The following SLC24A2 variants were observed in gnomAD, a reference collection of about 807,000 sequenced individuals.
SLC24A2 encodes sodium/potassium/calcium exchanger 2.
SLC24A2 carries 36 observed loss-of-function variants against 62.0 expected under a neutral mutation model. The ratio of observed to expected loss-of-function variants is 0.58; its 90% CI spans 0.44 to 0.77. The LOEUF (loss-of-function observed/expected upper bound fraction) is 0.77, where lower values mean the gene tolerates loss of function less well. Ranked by LOEUF, SLC24A2 falls within the 30% of genes least tolerant of loss-of-function variation. SLC24A2 has a pLI of 0.00. For missense variants in SLC24A2, 846 were observed against 817.9 expected (o/e 1.03, Z -0.42); for synonymous variants, 358 against 294.0 (o/e 1.22, Z -2.23).
the SLC24A2 span, among the ~76,000 whole-genome samples, chr9:19,965,142 T>TG: frequency 6.7e-6 from 1 of 149,396 alleles, no homozygotes; most frequent in East Asian, 2.0e-4. Flanking sequence ...AACACAGGAG[T>TG]GGAAGAGAAA....
the SLC24A2 span, among the ~76,000 whole-genome samples, chr9:20,288,410 G>A: frequency 1.3e-5 from 2 of 152,084 alleles, no homozygotes; most frequent in East Asian, 1.9e-4. Context: ...ATGAGTGCAT[G>A]CCGGGGGTGC....
chr9:20,172,090 T>A, the SLC24A2 span, among the ~76,000 whole-genome samples: 6 of 152,034 alleles, frequency 3.9e-5, no homozygotes, highest in Admixed American at 3.3e-4. Context: ...TACATGGAAA[T>A]TAAATAATCT....
At chr9:20,057,550 G>C in the SLC24A2 span, among the ~76,000 whole-genome samples, 1 of 152,150 alleles carries the variant, frequency 6.6e-6, no homozygotes, top group East Asian at 1.9e-4. Flanking sequence ...GAAACAAAAT[G>C]TTCACATTTG....
the SLC24A2 span, among the ~76,000 whole-genome samples, chr9:20,215,324 T>G: frequency 6.6e-6 from 1 of 152,210 alleles, no homozygotes; most frequent in Non-Finnish European, 1.5e-5. Flanking sequence ...AACGTATGAA[T>G]TTTGTGGGGG....
chr9:20,142,119 A>T, the SLC24A2 span, among the ~76,000 whole-genome samples: 1 of 152,116 alleles, frequency 6.6e-6, no homozygotes, highest in Non-Finnish European at 1.5e-5. Flanking sequence ...GAGTTCGATG[A>T]TGAAATAGGT....
In SLC24A2 at chr9:19,679,048, C is replaced by G. The variant is rs140715782; in HGVS notation, c.931-56749G>C. Among the ~76,000 whole-genome samples, 4 of 152,260 alleles carry G rather than the reference C, an allele frequency of 2.6e-5. No individual in the cohort carries two copies. In the East Asian group the frequency reaches 5.8e-4, roughly 22 times the overall value. On this transcript the variant is annotated intron_variant, in intron 2 of 10. Coordinates refer to ENST00000341998, the MANE Select transcript of SLC24A2 (RefSeq NM_020344.4). Reference sequence around the variant, plus strand: ...TTCAGGTTCTAATCCTGCCCTGATACCCTCAAGATGAGAACATCGACTTTT... The same window carrying G: ...TTCAGGTTCTAATCCTGCCCTGATAGCCTCAAGATGAGAACATCGACTTTT...
At chr9:19,811,253 T>C in the SLC24A2 span, among the ~76,000 whole-genome samples, 16 of 152,148 alleles carry the variant, frequency 1.1e-4, no homozygotes, top group Non-Finnish European at 1.9e-4. Context: ...CCCAAACATA[T>C]TGGCACCCTG....
the SLC24A2 span, among the ~76,000 whole-genome samples, chr9:20,020,331 T>C: frequency 1.3e-5 from 2 of 152,160 alleles, no homozygotes; most frequent in African/African-American, 4.8e-5. Context: ...CAAATGTCCA[T>C]CAATGATAGA....
chr9:19,626,223 C>A (rs1045807662), intron 2 of SLC24A2, among the ~76,000 whole-genome samples: 2 of 152,142 alleles, frequency 1.3e-5, no homozygotes, highest in African/African-American at 4.8e-5. Context: ...AGCCTTTCAC[C>A]ACATACAGGC....
At chr9:20,121,455 T>C in the SLC24A2 span, among the ~76,000 whole-genome samples, 1 of 152,186 alleles carries the variant, frequency 6.6e-6, no homozygotes, top group African/African-American at 2.4e-5. Flanking sequence ...GGGAAGATCA[T>C]GTGCATAATG....
intron 5 of SLC24A2, among the ~76,000 whole-genome samples, chr9:19,590,558 G>A (rs906099530): frequency 2.6e-5 from 4 of 152,124 alleles, no homozygotes; most frequent in African/African-American, 4.8e-5. Context: ...CTACCCAAGC[G>A]GACTTCCTGG....
chr9:19,636,304 CTTTTCTTTTCTTTTCTTTCTTTCTTT>C (rs1564009558), intron 2 of SLC24A2, among the ~76,000 whole-genome samples: 3 of 42,494 alleles, frequency 7.1e-5, no homozygotes, highest in African/African-American at 2.0e-4. Context: ...CTTTTCTTTT[CTTTTCTTTTCTTTTCTTTCTTTCTTT>C]CTTTCTTTCT....
chr9:20,134,586 G>C, the SLC24A2 span, among the ~76,000 whole-genome samples: 1 of 152,194 alleles, frequency 6.6e-6, no homozygotes, highest in South Asian at 2.1e-4. Context: ...TGGTAGGAAT[G>C]AGAGCAACTG....
chr9:20,139,187 T>G, the SLC24A2 span, among the ~76,000 whole-genome samples: 116 of 152,306 alleles, frequency 7.6e-4, 3 homozygotes, highest in South Asian at 0.012. Flanking sequence ...ACAACTCTAC[T>G]ACCCAAATGG....
At chr9:19,699,821 AT>A (rs1403933233) in intron 2 of SLC24A2, among the ~76,000 whole-genome samples, 1 of 151,596 alleles carries the variant, frequency 6.6e-6, no homozygotes, top group Non-Finnish European at 1.5e-5. Flanking sequence ...TAAGTCTTAA[AT>A]TTTTTTTTCT....
chr9:19,861,536 A>C, the SLC24A2 span, among the ~76,000 whole-genome samples: 37 of 152,304 alleles, frequency 2.4e-4, no homozygotes, highest in African/African-American at 7.7e-4. Context: ...GACACAGATG[A>C]ACATCTACAA....
In SLC24A2 at chr9:19,786,625, C is replaced by A. The variant is rs1194089979; in HGVS notation, c.242G>T (p.Gly81Val). 8 of 1,613,950 alleles carry A rather than the reference C, an allele frequency of 5.0e-6. No individual in the cohort carries two copies. Among genetic ancestry groups the A allele is most frequent in the Non-Finnish European group, 6.8e-6 (8 of 1,179,988 alleles). Residue 81 changes from glycine (G) to valine (V), a missense_variant, in exon 2 of 11, where the codon GGT (glycine) becomes GTT (valine). Transcript: ENST00000341998. The surrounding 1 kb of genome is among the most constrained non-coding windows in gnomAD (Gnocchi z 5.0). ...ATCTAAGAGAGTTCTCTGATGGTAA[C>A]CCTGTGCTACCCTAGGGCCACTTAC... is the stretch of plus-strand genomic sequence containing the variant. ...SVVSGPRVAQGYHQRTLLDLN... is the reference protein window; with the variant it reads ...SVVSGPRVAQVYHQRTLLDLN...
chr9:19,531,218 AC>A (rs1477940490), intron 8 of SLC24A2, among the ~76,000 whole-genome samples: 1 of 151,996 alleles, frequency 6.6e-6, no homozygotes, highest in East Asian at 1.9e-4. Context: ...CCATTTTCAC[AC>A]CCCAGGTAAT....
the SLC24A2 span, among the ~76,000 whole-genome samples, chr9:19,989,702 G>GA: frequency 1.0e-2 from 1,521 of 152,236 alleles, 30 homozygotes; most frequent in African/African-American, 0.033. Context: ...TCTTGCAAAG[G>GA]AACCTAGACA....
Sources: gnomAD v4.1 joint callset for allele counts (sites outside exome capture counted in the v4.1 genomes callset) on GRCh38, gnomAD v4.1.1 for gene constraint, Gnocchi (gnomAD v3.1) non-coding constraint, MANE v1.5 for transcripts, NCBI Gene and HGNC (gene_info 2026-07-23, HGNC 2026-07-21) for gene names.